The following LINGO1 variants were observed in gnomAD, a reference collection of about 807,000 sequenced individuals.
LINGO1 encodes the protein leucine-rich repeat and immunoglobulin-like domain-containing nogo receptor-interacting protein 1.
A neutral mutation model predicts 37.3 loss-of-function variants in LINGO1; 11 were observed. The observed-to-expected ratio is 0.29, with a 90% CI of 0.19 to 0.49. LINGO1 has a LOEUF of 0.49. Ranked by LOEUF, LINGO1 falls within the 20% of genes least tolerant of loss-of-function variation. The pLI, the probability that LINGO1 is intolerant of heterozygous loss-of-function variation, is 0.99. For synonymous variants in LINGO1, 387 were observed against 403.0 expected (o/e 0.96, Z 0.48); for missense variants, 585 against 878.2 (o/e 0.67, Z 4.22).
intron 1 of LINGO1, among the ~76,000 whole-genome samples, chr15:77,783,165 C>T (rs369564209): frequency 1.9e-3 from 290 of 152,336 alleles, no homozygotes; most frequent in African/African-American, 6.9e-3. Flanking sequence ...CCCTATTCCA[C>T]GGCCCTGTCG....
chr15:77,752,346 G>C (rs1286486059), intron 1 of LINGO1, among the ~76,000 whole-genome samples: 2 of 152,196 alleles, frequency 1.3e-5, no homozygotes, highest in Non-Finnish European at 1.5e-5. Context: ...ATTAGCAAAG[G>C]CTTTCTCCTT....
chr15:77,659,782 T>C (rs1041546819), intron 3 of LINGO1, among the ~76,000 whole-genome samples: 1 of 139,478 alleles, frequency 7.2e-6, no homozygotes, highest in Non-Finnish European at 1.5e-5. Context: ...ATAATGGAAG[T>C]CTCCCAGATC....
chr15:77,732,643 T>C (rs979615940), intron 2 of LINGO1, among the ~76,000 whole-genome samples: 1 of 152,198 alleles, frequency 6.6e-6, no homozygotes, highest in African/African-American at 2.4e-5. Context: ...TGCTCGAGTG[T>C]GGCTTCCCCT....
At chr15:77,709,331 A>G (rs2075890620) in intron 2 of LINGO1, among the ~76,000 whole-genome samples, 1 of 152,240 alleles carries the variant, frequency 6.6e-6, no homozygotes, top group East Asian at 1.9e-4. Flanking sequence ...GACAGCTCCC[A>G]AGGCAGGTTC....
Position 77,748,367 on chromosome 15 carries a change from G to C in LINGO1, c.-256-13314C>G, listed in dbSNP as rs539937235. Among the ~76,000 whole-genome samples, 4 of 152,374 alleles carry C rather than the reference G, an allele frequency of 2.6e-5. No homozygotes were observed. The South Asian group carries it at 8.3e-4, about 32-fold the overall frequency. ...TGTCCCTCAATCTCCCTGAGCCTCA[G>C]TTTCCCCATCTATAAAACGGGGATA... On this transcript the variant is annotated intron_variant, in intron 1 of 3. Transcript: ENST00000561686.
chr15:77,756,041 G>A (rs955736940), intron 1 of LINGO1, among the ~76,000 whole-genome samples: 1 of 151,442 alleles, frequency 6.6e-6, no homozygotes, highest in East Asian at 1.9e-4. Context: ...TGGGAAGTAG[G>A]GGGGTGGCAG....
intron 1 of LINGO1, among the ~76,000 whole-genome samples, chr15:77,631,598 C>T (rs886119206): frequency 6.6e-6 from 1 of 152,146 alleles, no homozygotes; most frequent in African/African-American, 2.4e-5. Flanking sequence ...AGGAGGCTCC[C>T]TCCTTACCTC....
At chr15:77,734,010 C>T (rs765267007) in intron 2 of LINGO1, among the ~76,000 whole-genome samples, 22 of 152,298 alleles carry the variant, frequency 1.4e-4, no homozygotes, top group South Asian at 1.0e-3. Context: ...GGATGAGCTA[C>T]GAGGAGCTCC....
chr15:77,749,052 C>T (rs907049288), intron 1 of LINGO1, among the ~76,000 whole-genome samples: 7 of 151,456 alleles, frequency 4.6e-5, no homozygotes, highest in Non-Finnish European at 1.0e-4. Flanking sequence ...GGATTACAGG[C>T]GCACACTACC....
At chr15:77,699,700 C>T (rs899784670), upstream of LINGO1, among the ~76,000 whole-genome samples, 8 of 63,130 alleles carry the variant, frequency 1.3e-4, no homozygotes, top group Non-Finnish European at 2.7e-4. Flanking sequence ...TAAGCACATA[C>T]TAACCATCAT....
intron 2 of LINGO1, among the ~76,000 whole-genome samples, chr15:77,734,134 A>T (rs1596168962): frequency 6.6e-6 from 1 of 151,760 alleles, no homozygotes; most frequent in Non-Finnish European, 1.5e-5. Context: ...GGACAGCCAC[A>T]CCCCTCCAGC....
At chr15:77,764,290 C>T (rs995908871) in intron 1 of LINGO1, among the ~76,000 whole-genome samples, 1 of 152,170 alleles carries the variant, frequency 6.6e-6, no homozygotes, top group African/African-American at 2.4e-5. Context: ...CTTAAAAATG[C>T]TCATCCCCAA....
At chr15:77,702,889 C>G (rs1387871651) in intron 2 of LINGO1, among the ~76,000 whole-genome samples, 1 of 152,236 alleles carries the variant, frequency 6.6e-6, no homozygotes, top group Non-Finnish European at 1.5e-5. Flanking sequence ...AATACTTCTT[C>G]TGACTTAAAT....
intron 1 of LINGO1, among the ~76,000 whole-genome samples, chr15:77,748,337 A>G (rs1339925100): frequency 6.6e-6 from 1 of 152,212 alleles, no homozygotes; most frequent in Non-Finnish European, 1.5e-5. Context: ...CCCAAATTCT[A>G]ATCATGTCCC....
intron 1 of LINGO1, among the ~76,000 whole-genome samples, chr15:77,622,665 G>C (rs1286346709): frequency 6.6e-6 from 1 of 152,218 alleles, no homozygotes; most frequent in African/African-American, 2.4e-5. Flanking sequence ...CGTGTTAGCG[G>C]GAACTGTGCC....
intron 1 of LINGO1, among the ~76,000 whole-genome samples, chr15:77,629,631 TCATGCACAGATAGTCCTTGCCGCTAGC>T (rs1462759680): frequency 6.6e-6 from 1 of 152,172 alleles, no homozygotes; most frequent in African/African-American, 2.4e-5. Context: ...CTCTGTGCAT[TCATGCACAGATAGTCCTTGCCGCTAGC>T]CAATAGCTAC....
intron 1 of LINGO1, among the ~76,000 whole-genome samples, chr15:77,759,587 G>A (rs762143528): frequency 9.2e-5 from 14 of 152,352 alleles, no homozygotes; most frequent in Admixed American, 2.0e-4. Context: ...CTCAGCAAGC[G>A]TCACCTTCAC....
intron 2 of LINGO1, among the ~76,000 whole-genome samples, chr15:77,793,227 C>T (rs1437200772): frequency 2.6e-5 from 4 of 152,182 alleles, no homozygotes; most frequent in Non-Finnish European, 4.4e-5. Flanking sequence ...TTGGTTTAAA[C>T]ACCACGGATC....
intron 1 of LINGO1, among the ~76,000 whole-genome samples, chr15:77,761,941 G>T (rs564302226): frequency 6.6e-6 from 1 of 152,118 alleles, no homozygotes. Flanking sequence ...GAGTGAGGCC[G>T]GGATGTGATG....
Sources: gnomAD v4.1 joint callset for allele counts (sites outside exome capture counted in the v4.1 genomes callset) on GRCh38, gnomAD v4.1.1 for gene constraint, MANE v1.5 for transcripts, NCBI Gene and HGNC (gene_info 2026-07-23, HGNC 2026-07-21) for gene names.